The following RALYL variants were observed in gnomAD, a reference collection of about 807,000 sequenced individuals.
RALYL encodes RNA-binding Raly-like protein.
A neutral mutation model predicts 35.1 loss-of-function variants in RALYL; 29 were observed. The ratio of observed to expected loss-of-function variants is 0.83; its 90% CI spans 0.61 to 1.13. RALYL has a LOEUF of 1.13. RALYL is among the 50% of genes most tolerant of loss of function. The pLI is 0.00. For synonymous variants in RALYL, 120 were observed against 127.6 expected (o/e 0.94, Z 0.40); for missense variants, 359 against 360.4 (o/e 1.00, Z 0.03).
At chr8:84,257,925 G>T (rs895872129) in intron 1 of RALYL, among the ~76,000 whole-genome samples, 6 of 152,146 alleles carry the variant, frequency 3.9e-5, no homozygotes, top group African/African-American at 1.4e-4. Flanking sequence ...GGATAAAACT[G>T]CCTTTAAGCA....
intron 1 of RALYL, among the ~76,000 whole-genome samples, chr8:84,505,901 ATTTAT>A (rs2134310579): frequency 6.6e-6 from 1 of 152,128 alleles, no homozygotes; most frequent in Admixed American, 6.6e-5. Context: ...GTGACTTTTG[ATTTAT>A]TTTGTCATTT....
At chr8:84,207,938 G>T (rs576918429) in intron 1 of RALYL, among the ~76,000 whole-genome samples, 1 of 152,062 alleles carries the variant, frequency 6.6e-6, no homozygotes, top group African/African-American at 2.4e-5. Flanking sequence ...AGGGAAAAAA[G>T]TTTCATCAAA....
intron 4 of RALYL, among the ~76,000 whole-genome samples, chr8:84,845,663 GT>G (rs1422674110): frequency 3.9e-5 from 6 of 152,094 alleles, no homozygotes; most frequent in Admixed American, 3.9e-4. Flanking sequence ...AAGTTCTTGA[GT>G]TTAATTATGT....
At chr8:84,818,894 CT>C (rs1360038679) in intron 4 of RALYL, among the ~76,000 whole-genome samples, 1 of 152,108 alleles carries the variant, frequency 6.6e-6, no homozygotes, top group African/African-American at 2.4e-5. Flanking sequence ...CTCAGTTAGA[CT>C]TGATGGGATC....
intron 2 of RALYL, among the ~76,000 whole-genome samples, chr8:84,608,860 A>ACGTTG (rs1817705484): frequency 6.6e-6 from 1 of 152,128 alleles, no homozygotes. Context: ...AGCAGGCACC[A>ACGTTG]CGTTGCGTTC....
intron 2 of RALYL, among the ~76,000 whole-genome samples, chr8:84,732,683 T>C (rs866902718): frequency 1.9e-4 from 25 of 133,246 alleles, no homozygotes; most frequent in Admixed American, 4.4e-4. Context: ...TATATATATA[T>C]ACACACACAC....
intron 2 of RALYL, among the ~76,000 whole-genome samples, chr8:84,754,671 C>G (rs2133267203): frequency 6.6e-6 from 1 of 151,448 alleles, no homozygotes; most frequent in African/African-American, 2.4e-5. Context: ...AAGGAGAGGA[C>G]AGTTCACAAC....
chr8:84,638,285 CA>C (rs1409891778), intron 2 of RALYL, among the ~76,000 whole-genome samples: 2 of 151,850 alleles, frequency 1.3e-5, no homozygotes, highest in African/African-American at 2.4e-5. Flanking sequence ...CACAACCTAT[CA>C]AAACTTCTGG....
chr8:84,760,051 C>T (rs1812323951), intron 2 of RALYL, among the ~76,000 whole-genome samples: 1 of 152,084 alleles, frequency 6.6e-6, no homozygotes, highest in Admixed American at 6.6e-5. Flanking sequence ...TGCCAAAACC[C>T]TTTTAATATT....
At chr8:84,394,388 G>C (rs1280842773) in intron 1 of RALYL, among the ~76,000 whole-genome samples, 1 of 151,966 alleles carries the variant, frequency 6.6e-6, no homozygotes, top group African/African-American at 2.4e-5. Context: ...ATGATCTAAG[G>C]AGCAGCAAAT....
At chr8:84,203,611 T>C (rs1242642328) in intron 1 of RALYL, among the ~76,000 whole-genome samples, 1 of 152,158 alleles carries the variant, frequency 6.6e-6, no homozygotes, top group Non-Finnish European at 1.5e-5. Flanking sequence ...TCTAGTAATA[T>C]ATTTTCATTG....
At chr8:84,651,450 CAA>C (rs1436899729) in intron 2 of RALYL, among the ~76,000 whole-genome samples, 1 of 151,732 alleles carries the variant, frequency 6.6e-6, no homozygotes. Flanking sequence ...AATTATGAGA[CAA>C]ATAGGGAAAT....
At chr8:84,833,655 AAAAG>A (rs1563703889) in intron 4 of RALYL, among the ~76,000 whole-genome samples, 1 of 151,628 alleles carries the variant, frequency 6.6e-6, no homozygotes, top group Non-Finnish European at 1.5e-5. Flanking sequence ...AAAAAAAAAA[AAAAG>A]AAAGAAAGAT....
intron 1 of RALYL, among the ~76,000 whole-genome samples, chr8:84,460,150 G>A (rs2050590789): frequency 6.6e-6 from 1 of 151,662 alleles, no homozygotes; most frequent in Admixed American, 6.6e-5. Context: ...GGATAAAATG[G>A]TATTTTGAAA....
chr8:84,784,227 G>A (rs768390856), intron 3 of RALYL, among the ~76,000 whole-genome samples: 15 of 152,058 alleles, frequency 9.9e-5, no homozygotes, highest in South Asian at 2.1e-4. Context: ...AGCAGCAGAC[G>A]GACCGTGTAA....
At chr8:84,690,220 C>A (rs1023933152) in intron 2 of RALYL, among the ~76,000 whole-genome samples, 7 of 152,070 alleles carry the variant, frequency 4.6e-5, no homozygotes, top group Non-Finnish European at 7.4e-5. Flanking sequence ...GAAATCTTGT[C>A]TTTTATAACC....
chr8:84,708,591 G>GT (rs1431355851), intron 2 of RALYL, among the ~76,000 whole-genome samples: 2 of 152,030 alleles, frequency 1.3e-5, no homozygotes, highest in African/African-American at 2.4e-5. Context: ...ATGCAAACCT[G>GT]TTTTTTTAAA....
At chr8:84,475,800 G>A (rs1331655951) in intron 1 of RALYL, among the ~76,000 whole-genome samples, 1 of 152,146 alleles carries the variant, frequency 6.6e-6, no homozygotes, top group Non-Finnish European at 1.5e-5. Context: ...CTTTGGAGTG[G>A]ATCAAATCTG....
chr8:84,803,597 C>G (rs113693038), intron 3 of RALYL, among the ~76,000 whole-genome samples: 21 of 152,326 alleles, frequency 1.4e-4, no homozygotes, highest in African/African-American at 5.1e-4. Flanking sequence ...TCTGCTTCTA[C>G]CCTACCTAGA....
Sources: gnomAD v4.1 joint callset for allele counts (sites outside exome capture counted in the v4.1 genomes callset) on GRCh38, gnomAD v4.1.1 for gene constraint, MANE v1.5 for transcripts, NCBI Gene and HGNC (gene_info 2026-07-23, HGNC 2026-07-21) for gene names.